The following ATXN8OS variants were observed in gnomAD, a reference collection of about 807,000 sequenced individuals.
The protein encoded by ATXN8OS is ATXN8 opposite strand (non-protein coding).
At chr13:70,132,985 T>C (rs1490645484) in intron 3 of ATXN8OS, among the ~76,000 whole-genome samples, 1 of 152,182 alleles carries the variant, frequency 6.6e-6, no homozygotes. Flanking sequence ...GCCTCTAAAA[T>C]CTCTACAGCC....
chr13:70,108,873 C>T (rs935551750), intron 1 of ATXN8OS, among the ~76,000 whole-genome samples: 1 of 152,186 alleles, frequency 6.6e-6, no homozygotes, highest in African/African-American at 2.4e-5. Context: ...GACGATGCCA[C>T]CATCCTGACA....
intron 2 of ATXN8OS, among the ~76,000 whole-genome samples, chr13:70,126,646 T>C (rs1226893298): frequency 1.3e-5 from 2 of 151,734 alleles, no homozygotes; most frequent in African/African-American, 4.8e-5. Flanking sequence ...GGCAGGTAGA[T>C]AGATATATCT....
intron 4 of ATXN8OS, among the ~76,000 whole-genome samples, chr13:70,164,227 G>T (rs933194876): frequency 4.6e-5 from 7 of 150,652 alleles, no homozygotes; most frequent in Non-Finnish European, 8.9e-5. Flanking sequence ...GTTTCCCAAG[G>T]TTACCTTTTT....
chr13:70,165,694 A>G (rs1593779595), intron 4 of ATXN8OS, among the ~76,000 whole-genome samples: 1 of 152,084 alleles, frequency 6.6e-6, no homozygotes, highest in African/African-American at 2.4e-5. Flanking sequence ...AATCACTGAT[A>G]GAGCTCAGGG....
At chr13:70,161,812 C>T (rs1177705208) in intron 4 of ATXN8OS, among the ~76,000 whole-genome samples, 1 of 151,434 alleles carries the variant, frequency 6.6e-6, no homozygotes, top group Non-Finnish European at 1.5e-5. Context: ...ACAATGAATC[C>T]TAATGTAGGT....
chr13:70,164,926 A>G (rs193178619), intron 4 of ATXN8OS, among the ~76,000 whole-genome samples: 90 of 152,176 alleles, frequency 5.9e-4, no homozygotes, highest in Middle Eastern at 3.4e-3. Context: ...AAGGAAAATA[A>G]TAACAAGAAT....
At chr13:70,140,240 G>C (rs532680763) in intron 3 of ATXN8OS, among the ~76,000 whole-genome samples, 1 of 151,920 alleles carries the variant, frequency 6.6e-6, no homozygotes, top group Admixed American at 6.6e-5. Flanking sequence ...TATGACCAAA[G>C]TGTTCCTCTG....
At chr13:70,109,703 T>G (rs1388882850) in intron 1 of ATXN8OS, among the ~76,000 whole-genome samples, 6 of 152,202 alleles carry the variant, frequency 3.9e-5, no homozygotes, top group Non-Finnish European at 7.3e-5. Flanking sequence ...GTTTGTTTTT[T>G]GTTTATTAAG....
rs1252343539 is a variant in ATXN8OS at position 70,131,232 on chromosome 13, T to C, written n.499+1348T>C. ...GTGTACATGTATACATCCTAAATAT[T>C]TGTACAATTAATTTACTTCTCTTCA... On this transcript the variant is annotated intron_variant and non_coding_transcript_variant, in intron 3 of 4. Transcript: ENST00000678624. 8.5e-6 allele frequency: 3 copies of C among 351,432 alleles called. No homozygotes were observed. In the African/African-American group the frequency reaches 9.5e-5, roughly 11 times the overall value. The allele number at this position is 351,432 out of a possible 1,614,324, so 21.8% of individuals were successfully genotyped here.
At chr13:70,107,801 A>T in exon 1 of ATXN8OS, 4 of 871,604 alleles carry the variant, frequency 4.6e-6, no homozygotes, top group Non-Finnish European at 6.8e-6. Flanking sequence ...AAGAGGCGGG[A>T]TGCGCCCTCT....
At chr13:70,142,557 A>G (rs1321329256) in intron 3 of ATXN8OS, among the ~76,000 whole-genome samples, 1 of 152,168 alleles carries the variant, frequency 6.6e-6, no homozygotes, top group Non-Finnish European at 1.5e-5. Context: ...TGTGCCCTCA[A>G]ACTTTCTTTG....
intron 4 of ATXN8OS, among the ~76,000 whole-genome samples, chr13:70,162,531 T>C (rs1041784590): frequency 1.3e-5 from 2 of 152,056 alleles, no homozygotes; most frequent in Non-Finnish European, 2.9e-5. Context: ...GCAGGCTAGT[T>C]TCCTGATGAA....
intron 2 of ATXN8OS, among the ~76,000 whole-genome samples, chr13:70,120,210 A>C (rs759945301): frequency 6.6e-6 from 1 of 152,130 alleles, no homozygotes; most frequent in Admixed American, 6.6e-5. Context: ...CCCTTTCAAT[A>C]GGATATCCCA....
At chr13:70,148,334 G>C (rs1400367133) in intron 4 of ATXN8OS, among the ~76,000 whole-genome samples, 1 of 152,120 alleles carries the variant, frequency 6.6e-6, no homozygotes, top group Non-Finnish European at 1.5e-5. Context: ...TTTAGGGCCT[G>C]TTATCCATCA....
Position 70,133,859 on chromosome 13 carries a change from G to A in ATXN8OS, n.499+3975G>A, listed in dbSNP as rs144989168. ...AACTATGAGACAACAGATTTATGTT[G>A]TTTTAAGCCACCCACTTTCTGGTAC... On this transcript the variant is annotated intron_variant and non_coding_transcript_variant, in intron 3 of 4. Transcript: ENST00000678624. 1.7e-3 allele frequency among the ~76,000 whole-genome samples: 263 copies of A among 152,196 alleles called. 2 individuals are homozygous for A. Among genetic ancestry groups the A allele is most frequent in the Middle Eastern group, 0.017 (5 of 294 alleles).
intron 2 of ATXN8OS, among the ~76,000 whole-genome samples, chr13:70,121,470 T>C (rs886365347): frequency 6.6e-6 from 1 of 152,088 alleles, no homozygotes; most frequent in Admixed American, 6.6e-5. Flanking sequence ...AGGTGACCTG[T>C]ATTGGATTAG....
At position 70,112,920 on chromosome 13, in the gene ATXN8OS, A is replaced by ATATATTTTTTTTTTTTTTTTTTTTTTT. The variant is rs1555298511; in HGVS notation, n.241-2220_241-2219insATATTTTTTTTTTTTTTTTTTTTTTTT. Among the ~76,000 whole-genome samples, 4 of 87,590 alleles carry ATATATTTTTTTTTTTTTTTTTTTTTTT rather than the reference A, an allele frequency of 4.6e-5. 2 individuals carry two copies. Among genetic ancestry groups the ATATATTTTTTTTTTTTTTTTTTTTTTT allele is most frequent in the African/African-American group, 8.8e-5 (2 of 22,620 alleles). The allele number at this position is 87,590 out of a possible 152,430, so 57.5% of individuals were successfully genotyped here. ...ACTGCTGAGGGACTTTATATATATAATTTTTTTTTTTTTTTTTTTTGAGAT... is the reference window on the plus strand; with the variant it reads ...ACTGCTGAGGGACTTTATATATATAATATATTTTTTTTTTTTTTTTTTTTTTTTTTTTTTTTTTTTTTTTTTTGAGAT... On this transcript the variant is annotated intron_variant and non_coding_transcript_variant, in intron 1 of 4. Transcript: ENST00000678624.
intron 2 of ATXN8OS, among the ~76,000 whole-genome samples, chr13:70,122,472 GTCAT>G (rs1297131818): frequency 2.0e-5 from 3 of 151,902 alleles, no homozygotes; most frequent in Non-Finnish European, 4.4e-5. Context: ...AACATGCAAT[GTCAT>G]TCATTATCTC....
At chr13:70,160,317 T>C (rs1888992348) in intron 4 of ATXN8OS, among the ~76,000 whole-genome samples, 1 of 152,102 alleles carries the variant, frequency 6.6e-6, no homozygotes, top group Non-Finnish European at 1.5e-5. Flanking sequence ...AAATTTTGGT[T>C]TATCATTATA....
Sources: gnomAD v4.1 joint callset for allele counts (sites outside exome capture counted in the v4.1 genomes callset) on GRCh38, gnomAD v4.1.1 for gene constraint, MANE v1.5 for transcripts, NCBI Gene and HGNC (gene_info 2026-07-23, HGNC 2026-07-21) for gene names.